Variants in KAZN observed in about 807,000 individuals in gnomAD.
KAZN encodes the protein kazrin, periplakin interacting protein, also known as kazrin.
In KAZN, 40 loss-of-function variants were observed where a neutral mutation model predicts 87.4. The observed-to-expected ratio is 0.46, with a 90% CI of 0.36 to 0.60. KAZN has a LOEUF of 0.60. KAZN is among the 20% of genes least tolerant of loss of function. The probability of loss-of-function intolerance (pLI) is 0.00; values close to 1 mark genes in which losing one functional copy is unlikely to be tolerated. For missense variants in KAZN, 898 were observed against 1,073.9 expected, an observed-to-expected ratio of 0.84 and a Z score of 2.29; for synonymous variants, 466 against 458.3, an observed-to-expected ratio of 1.02 and a Z score of -0.22.
rs192811785 is a variant in KAZN at position 13,924,205 on chromosome 1, G to A, written c.91+30449G>A. On this transcript the variant is annotated intron_variant, in intron 1 of 16. Transcript: ENST00000636203. ...GCTAGAACTGGAAAAGGCCCCTCAA[G>A]GTAAATCCATGTAAATGAAGGCTAA... 3.0e-3 allele frequency among the ~76,000 whole-genome samples: 461 copies of A among 152,200 alleles called. 3 individuals are homozygous for A. Among genetic ancestry groups the A allele is most frequent in the African/African-American group, 0.011 (449 of 41,522 alleles).
intron 1 of KAZN, among the ~76,000 whole-genome samples, chr1:14,929,573 A>C (rs551657540): frequency 6.6e-6 from 1 of 152,314 alleles, no homozygotes; most frequent in East Asian, 1.9e-4. Context: ...GCACATTTGC[A>C]TGTAGACAGA....
chr1:14,395,397 G>A (rs998996555), intron 2 of KAZN, among the ~76,000 whole-genome samples: 4 of 151,966 alleles, frequency 2.6e-5, no homozygotes, highest in East Asian at 1.9e-4. Flanking sequence ...ATGGATTTAG[G>A]GTCTACTTAA....
intron 1 of KAZN, among the ~76,000 whole-genome samples, chr1:13,928,607 T>C (rs1173601154): frequency 6.6e-6 from 1 of 152,136 alleles, no homozygotes; most frequent in Non-Finnish European, 1.5e-5. Context: ...GTACAATGTG[T>C]GATTAACATA....
chr1:14,655,179 T>A (rs945538343), intron 1 of KAZN, among the ~76,000 whole-genome samples: 3 of 146,598 alleles, frequency 2.0e-5, no homozygotes, highest in African/African-American at 2.6e-5. Flanking sequence ...AACACTCATC[T>A]GGCCTCTGGT....
chr1:14,310,389 C>T (rs184566438), intron 2 of KAZN, among the ~76,000 whole-genome samples: 58 of 152,284 alleles, frequency 3.8e-4, no homozygotes, highest in African/African-American at 1.3e-3. Context: ...CAGCAGGCCT[C>T]GGATGGTTAA....
At chr1:14,394,034 C>T (rs1662681427) in intron 2 of KAZN, among the ~76,000 whole-genome samples, 1 of 152,100 alleles carries the variant, frequency 6.6e-6, no homozygotes, top group Non-Finnish European at 1.5e-5. Flanking sequence ...TTATCTTTTG[C>T]TGTGCAGCTG....
At chr1:13,964,318 A>G (rs1641863810) in intron 1 of KAZN, among the ~76,000 whole-genome samples, 1 of 152,246 alleles carries the variant, frequency 6.6e-6, no homozygotes, top group Non-Finnish European at 1.5e-5. Context: ...TGGACAAAAA[A>G]GAAGAAAGCA....
At chr1:14,205,884 C>CAAAAAAAAAAAAAAA (rs70997121) in intron 2 of KAZN, among the ~76,000 whole-genome samples, 1,135 of 35,198 alleles carry the variant, frequency 0.032, 431 homozygotes, top group African/African-American at 0.049. Context: ...GACACTGTCT[C>CAAAAAAAAAAAAAAA]AAAAAAAAAA....
At chr1:14,596,308 G>GCGCACACACA (rs1491581024), upstream of KAZN, among the ~76,000 whole-genome samples, 385 of 150,298 alleles carry the variant, frequency 2.6e-3, 4 homozygotes, top group African/African-American at 9.1e-3. Flanking sequence ...ACACGTGTGC[G>GCGCACACACA]CACACACACA....
At chr1:14,750,427 G>A (rs1173714381) in intron 1 of KAZN, among the ~76,000 whole-genome samples, 1 of 152,140 alleles carries the variant, frequency 6.6e-6, no homozygotes, top group Non-Finnish European at 1.5e-5. Context: ...AGTTTTACGT[G>A]CTCCCTATTC....
chr1:14,726,602 T>A (rs183494290), intron 1 of KAZN, among the ~76,000 whole-genome samples: 1 of 152,252 alleles, frequency 6.6e-6, no homozygotes, highest in Non-Finnish European at 1.5e-5. Context: ...GCAAAGATTA[T>A]GGTGTCCCCT....
At chr1:14,748,749 T>G (rs190632129) in intron 1 of KAZN, among the ~76,000 whole-genome samples, 2 of 152,274 alleles carry the variant, frequency 1.3e-5, no homozygotes, top group Admixed American at 6.5e-5. Context: ...GCAATGTATG[T>G]GAAGCTCTTG....
intron 4 of KAZN, among the ~76,000 whole-genome samples, chr1:15,054,101 T>C (rs1302556136): frequency 6.6e-6 from 1 of 152,094 alleles, no homozygotes; most frequent in African/African-American, 2.4e-5. Context: ...TGTTTCTTGG[T>C]GGGACCCTTT....
intron 2 of KAZN, among the ~76,000 whole-genome samples, chr1:14,233,973 T>C (rs1648125277): frequency 6.6e-6 from 1 of 152,178 alleles, no homozygotes; most frequent in African/African-American, 2.4e-5. Flanking sequence ...AGTTCAACCA[T>C]TGTGCAAGAC....
intron 1 of KAZN, among the ~76,000 whole-genome samples, chr1:14,810,925 C>T (rs1244341506): frequency 6.6e-6 from 1 of 152,262 alleles, no homozygotes; most frequent in African/African-American, 2.4e-5. Context: ...CCATGGCCAG[C>T]TTGTCCTTCT....
chr1:14,155,503 A>G (rs1350630324), intron 1 of KAZN, among the ~76,000 whole-genome samples: 1 of 151,628 alleles, frequency 6.6e-6, no homozygotes, highest in Non-Finnish European at 1.5e-5. Context: ...GATCTTTCAC[A>G]TTGTTCTCTT....
chr1:13,932,301 C>T (rs1191801893), intron 1 of KAZN, among the ~76,000 whole-genome samples: 1 of 145,048 alleles, frequency 6.9e-6, no homozygotes, highest in Non-Finnish European at 1.5e-5. Flanking sequence ...CGCTCTGTCG[C>T]CCAGGCTGGA....
chr1:14,521,189 G>A (rs530761216), intron 2 of KAZN, among the ~76,000 whole-genome samples: 13 of 152,188 alleles, frequency 8.5e-5, no homozygotes, highest in African/African-American at 3.1e-4. Context: ...AGGCTTGGGG[G>A]CAGGGGTCTG....
chr1:13,951,684 G>T (rs1557741426), intron 1 of KAZN, among the ~76,000 whole-genome samples: 1 of 151,186 alleles, frequency 6.6e-6, no homozygotes, highest in African/African-American at 2.4e-5. Context: ...TGCTCTTCTG[G>T]GTTGATTTGG....
Sources: gnomAD v4.1 joint callset for allele counts (sites outside exome capture counted in the v4.1 genomes callset) on GRCh38, gnomAD v4.1.1 for gene constraint, MANE v1.5 for transcripts, NCBI Gene and HGNC (gene_info 2026-07-23, HGNC 2026-07-21) for gene names.